The following CHRM3 variants were observed in gnomAD, a reference collection of about 807,000 sequenced individuals.
The protein encoded by CHRM3 is cholinergic receptor muscarinic 3.
CHRM3 carries 11 observed loss-of-function variants against 41.8 expected under a neutral mutation model. The ratio of observed to expected loss-of-function variants is 0.26; its 90% CI spans 0.17 to 0.44. The LOEUF (loss-of-function observed/expected upper bound fraction) is 0.44, where lower values mean the gene tolerates loss of function less well. CHRM3 is among the 20% of genes least tolerant of loss of function. The probability of loss-of-function intolerance (pLI) is 1.00; values close to 1 mark genes in which losing one functional copy is unlikely to be tolerated. For missense variants in CHRM3, 571 were observed against 745.4 expected, an observed-to-expected ratio of 0.77 and a Z score of 2.72; for synonymous variants, 297 against 301.4, an observed-to-expected ratio of 0.99 and a Z score of 0.15.
intron 2 of CHRM3, among the ~76,000 whole-genome samples, chr1:239,529,906 A>AT (rs1008035806): frequency 4.6e-5 from 7 of 150,892 alleles, no homozygotes; most frequent in African/African-American, 1.2e-4. Flanking sequence ...TATTATTATT[A>AT]TTTTTTTTTG....
chr1:239,673,745 T>G (rs1240253485), intron 4 of CHRM3, among the ~76,000 whole-genome samples: 1 of 152,172 alleles, frequency 6.6e-6, no homozygotes, highest in Non-Finnish European at 1.5e-5. Context: ...ATTCTGCTTT[T>G]GTTATCATTT....
At chr1:239,785,577 T>G (rs1420954639) in intron 5 of CHRM3, among the ~76,000 whole-genome samples, 3 of 152,232 alleles carry the variant, frequency 2.0e-5, no homozygotes, top group Non-Finnish European at 2.9e-5. Context: ...TTTTCCCCAC[T>G]TATCTTTCTT....
intron 2 of CHRM3, among the ~76,000 whole-genome samples, chr1:239,537,449 C>G (rs908552511): frequency 6.6e-6 from 1 of 151,882 alleles, no homozygotes; most frequent in Non-Finnish European, 1.5e-5. Context: ...AGATTACTAT[C>G]GAGGACCTCA....
At chr1:239,755,731 C>G (rs1666187090) in intron 5 of CHRM3, among the ~76,000 whole-genome samples, 6 of 152,156 alleles carry the variant, frequency 3.9e-5, no homozygotes, top group Admixed American at 3.3e-4. Flanking sequence ...TTGCTGGGAT[C>G]TTGTAGTCAC....
intron 5 of CHRM3, among the ~76,000 whole-genome samples, chr1:239,701,371 G>A (rs1353966018): frequency 1.3e-5 from 2 of 152,198 alleles, no homozygotes; most frequent in Non-Finnish European, 2.9e-5. Context: ...CCAGAGGCAT[G>A]GCGCTGAAAA....
intron 5 of CHRM3, among the ~76,000 whole-genome samples, chr1:239,737,153 G>T (rs550224647): frequency 7.9e-5 from 12 of 151,980 alleles, no homozygotes; most frequent in Non-Finnish European, 1.8e-4. Flanking sequence ...ACAATGATGT[G>T]CCTAAATCTA....
At chr1:239,778,160 G>A (rs1668244940) in intron 5 of CHRM3, among the ~76,000 whole-genome samples, 1 of 152,146 alleles carries the variant, frequency 6.6e-6, no homozygotes, top group Non-Finnish European at 1.5e-5. Context: ...TTGACCATCT[G>A]CCCCAGTATT....
chr1:239,862,287 T>C (rs1402206873), intron 6 of CHRM3, among the ~76,000 whole-genome samples: 1 of 152,212 alleles, frequency 6.6e-6, no homozygotes, highest in Non-Finnish European at 1.5e-5. Context: ...GTCTAGTTTA[T>C]TGGAAAGGAA....
intron 4 of CHRM3, among the ~76,000 whole-genome samples, chr1:239,656,481 A>C (rs1048478919): frequency 6.6e-6 from 1 of 151,692 alleles, no homozygotes; most frequent in Non-Finnish European, 1.5e-5. Context: ...AAAAAGAAAA[A>C]AGAAAAAAAA....
At chr1:239,835,648 A>G (rs1484724890) in intron 6 of CHRM3, among the ~76,000 whole-genome samples, 2 of 152,354 alleles carry the variant, frequency 1.3e-5, no homozygotes, top group East Asian at 3.9e-4. Flanking sequence ...TTAGTGCGTT[A>G]GGAAGAACAT....
chr1:239,722,651 T>C (rs1157855524), intron 5 of CHRM3, among the ~76,000 whole-genome samples: 2 of 151,904 alleles, frequency 1.3e-5, no homozygotes, highest in African/African-American at 2.4e-5. Context: ...CAATCTTCAT[T>C]ATGTTAAATA....
intron 1 of CHRM3, among the ~76,000 whole-genome samples, chr1:239,422,509 A>C (rs1314740266): frequency 6.6e-6 from 1 of 152,174 alleles, no homozygotes; most frequent in Non-Finnish European, 1.5e-5. Flanking sequence ...TAAGAAGACA[A>C]AGTTGTCCAA....
rs1680311763 is a variant in CHRM3 at position 239,910,658 on chromosome 1, A to C, written c.*1434A>C. ...GTTAACTGTTTCATTTGGGGAGGGG[A>C]TGGGGTGCTGCCATCATTGTCGTTG... On this transcript the variant is annotated 3_prime_UTR_variant, in exon 7 of 7. Transcript: ENST00000676153. 1 of 155,404 alleles carries C rather than the reference A, an allele frequency of 6.4e-6. No individual in the cohort carries two copies. The highest frequency in any genetic ancestry group is 1.5e-5 in the Non-Finnish European group (1 of 65,530). The allele number at this position is 155,404 out of a possible 1,614,324, so 9.6% of individuals were successfully genotyped here. A position where few individuals can be genotyped will look rare whatever the true frequency, so the allele number is the denominator to read the frequency against.
intron 5 of CHRM3, among the ~76,000 whole-genome samples, chr1:239,731,188 A>G (rs1280177957): frequency 6.6e-6 from 1 of 152,042 alleles, no homozygotes; most frequent in South Asian, 2.1e-4. Flanking sequence ...GATAGCCAGT[A>G]GACAGTTGAA....
intron 5 of CHRM3, among the ~76,000 whole-genome samples, chr1:239,696,790 T>C (rs1660237391): frequency 1.3e-5 from 2 of 152,186 alleles, no homozygotes; most frequent in South Asian, 4.1e-4. Flanking sequence ...AATACACGTT[T>C]GCTATAAAAG....
chr1:239,751,340 C>T (rs761493385), intron 5 of CHRM3, among the ~76,000 whole-genome samples: 6 of 151,630 alleles, frequency 4.0e-5, no homozygotes, highest in African/African-American at 9.7e-5. Flanking sequence ...TTCATTGAAG[C>T]GCTATTCATT....
rs539473658 is a variant in CHRM3, at chr1:239,639,734, T to A, written c.-250+7448T>A. Reference sequence around the variant, plus strand: ...ACAGGGACAATTTGACTTCCTCTTCTCCTAATTGAATACCCTTTATTTCCT... The same window carrying A: ...ACAGGGACAATTTGACTTCCTCTTCACCTAATTGAATACCCTTTATTTCCT... On this transcript the variant is annotated intron_variant, in intron 4 of 6. Coordinates refer to ENST00000676153, the MANE Select transcript of CHRM3 (RefSeq NM_001375978.1). 4.6e-4 allele frequency among the ~76,000 whole-genome samples: 70 copies of A among 151,790 alleles called. 1 individual carries two copies. The Middle Eastern group carries it at 0.02, about 44-fold the overall frequency.
intron 3 of CHRM3, among the ~76,000 whole-genome samples, chr1:239,631,900 C>G (rs557891699): frequency 1.3e-5 from 2 of 152,308 alleles, no homozygotes; most frequent in South Asian, 4.1e-4. Flanking sequence ...TGAGCAACTT[C>G]TTTATTTTTA....
intron 3 of CHRM3, among the ~76,000 whole-genome samples, chr1:239,579,391 G>T (rs1413174776): frequency 6.6e-6 from 1 of 152,154 alleles, no homozygotes; most frequent in African/African-American, 2.4e-5. Context: ...TTTGGAAATG[G>T]CATTGCTTTT....
Sources: allele counts gnomAD v4.1 joint callset (sites outside exome capture counted in the v4.1 genomes callset), GRCh38; gene constraint gnomAD v4.1.1; transcripts MANE v1.5; gene names NCBI Gene and HGNC (gene_info 2026-07-23, HGNC 2026-07-21).